Variants in MAP7D3 observed in about 807,000 individuals in gnomAD.
MAP7D3 encodes the protein MAP7 domain-containing protein 3.
MAP7D3 carries 45 observed loss-of-function variants against 62.2 expected under a neutral mutation model. The ratio of observed to expected loss-of-function variants is 0.72; its 90% CI spans 0.57 to 0.93. The LOEUF (loss-of-function observed/expected upper bound fraction) is 0.93. Ranked by LOEUF, MAP7D3 falls within the 40% of genes least tolerant of loss-of-function variation. The pLI is 0.00. For synonymous variants in MAP7D3, 288 were observed against 248.8 expected (o/e 1.16, Z -1.48); for missense variants, 711 against 683.1 (o/e 1.04, Z -0.45).
intron 12 of MAP7D3, among the ~76,000 whole-genome samples, chrX:136,226,868 C>T (rs1259908993): frequency 8.9e-6 from 1 of 111,829 alleles, no homozygotes; most frequent in African/African-American, 3.3e-5. Context: ...GTGGCTTACA[C>T]CTGTAATCCT....
At chrX:136,222,372 A>G in intron 15 of MAP7D3, 21 bp downstream of exon 15, 1 of 1,153,290 alleles carries the variant, frequency 8.7e-7, no homozygotes, top group Non-Finnish European at 1.2e-6. Flanking sequence ...TAAGCAGTCT[A>G]GCTCCTAAAT....
intron 11 of MAP7D3, among the ~76,000 whole-genome samples, chrX:136,228,164 C>T (rs2148404535): frequency 8.9e-6 from 1 of 112,090 alleles, no homozygotes; most frequent in East Asian, 2.8e-4. Flanking sequence ...CTAGCAATGA[C>T]TCACTGGCCT....
intron 4 of MAP7D3, 140 bp downstream of exon 4, chrX:136,244,492 G>T: frequency 1.9e-6 from 1 of 513,577 alleles, no homozygotes; most frequent in South Asian, 3.7e-5. Flanking sequence ...ATGCTGAGGG[G>T]AAGAGGAAGC....
At chrX:136,256,178 G>T, upstream of MAP7D3, 1 of 1,122,686 alleles carries the variant, frequency 8.9e-7, no homozygotes, top group Non-Finnish European at 1.2e-6. Context: ...TGCATCTGTT[G>T]TAGCTTGACT....
chrX:136,239,140 CT>C (rs1013823137), intron 6 of MAP7D3, among the ~76,000 whole-genome samples: 1 of 111,180 alleles, frequency 9.0e-6, no homozygotes, highest in Non-Finnish European at 1.9e-5. Flanking sequence ...GAAAAGGGAT[CT>C]TTTTTTTGGA....
rs770764828 is a variant in MAP7D3, at chrX:136,249,732, C to T, written c.70+1557G>A. 7.3e-4 allele frequency among the ~76,000 whole-genome samples: 82 copies of T among 112,087 alleles called. 1 individual carries two copies. Among genetic ancestry groups the T allele is most frequent in the Non-Finnish European group, 1.2e-3 (63 of 53,269 alleles). On this transcript the variant is annotated intron_variant, in intron 1 of 18. Transcript: ENST00000316077. Reference sequence around the variant, plus strand: ...AAAACATCTGTCTCCTTGACCCCTTCAGGAAAACGCTGAGATCTAAAGGGC... The same window carrying T: ...AAAACATCTGTCTCCTTGACCCCTTTAGGAAAACGCTGAGATCTAAAGGGC...
intron 13 of MAP7D3, 123 bp downstream of exon 13, chrX:136,225,786 G>A (rs1245993860): frequency 1.7e-5 from 8 of 458,451 alleles, no homozygotes; most frequent in South Asian, 4.1e-5. Context: ...GAAGAGAATC[G>A]AGTGGGAAAA....
At position 136,247,936 on chromosome X, in the gene MAP7D3, G is replaced by T. The variant is rs766911607; in HGVS notation, c.71-1595C>A. Among the ~76,000 whole-genome samples the T allele has an allele frequency of 3.6e-5, 4 of 111,993 alleles. No individual in the cohort carries two copies. In the South Asian group the frequency reaches 1.5e-3, roughly 42 times the overall value. On this transcript the variant is annotated intron_variant, in intron 1 of 18. Transcript: ENST00000316077. ...ATTTCCCTCAAAATCTACATTTTTG[G>T]CCCAGAGTGGTGGCTCATGCCTGTA...
At chrX:136,237,849 A>G (rs1269629819) in intron 6 of MAP7D3, among the ~76,000 whole-genome samples, 1 of 109,809 alleles carries the variant, frequency 9.1e-6, no homozygotes, top group African/African-American at 3.3e-5. Context: ...AACATTAGGT[A>G]TATCTCCTAA....
chrX:136,231,594 C>T lies in MAP7D3; in HGVS notation c.1363G>A (p.Glu455Lys), dbSNP rs763690316. 8.3e-7 allele frequency: 1 copy of T among 1,209,336 alleles called. No individual in the cohort carries two copies. Among genetic ancestry groups the T allele is most frequent in the South Asian group, 1.8e-5 (1 of 56,591 alleles). ...MVKASPKTSL[E>K]ASMEASPKAK... is the part of the protein sequence containing the mutation. ...TTGGGAGATGCTTCCATGCTTGCTT[C>T]AAGGGATGTCTTGGGGGATGCTTTC... The change falls in exon 8 of 19, where the codon GAA becomes AAA. Residue 455 changes from glutamate (E) to lysine (K), a missense_variant. Glu to Lys is a moderately conservative substitution (Grantham distance 56). Transcript: ENST00000316077.
chrX:136,233,237 A>G (rs1286923155), intron 7 of MAP7D3, among the ~76,000 whole-genome samples: 1 of 110,262 alleles, frequency 9.1e-6, no homozygotes, highest in Non-Finnish European at 1.9e-5. Flanking sequence ...ATTAGATTAA[A>G]AACATCTTCT....
intron 13 of MAP7D3, 142 bp downstream of exon 13, chrX:136,225,767 T>C (rs772945283): frequency 9.2e-6 from 4 of 436,842 alleles, no homozygotes; most frequent in Non-Finnish European, 1.2e-5. Context: ...AGTCAGATCC[T>C]TGGATAAGGA....
intron 13 of MAP7D3, among the ~76,000 whole-genome samples, chrX:136,225,397 A>C (rs1015709068): frequency 9.9e-5 from 11 of 111,455 alleles, no homozygotes; most frequent in African/African-American, 3.6e-4. Flanking sequence ...GGAGAGTTGC[A>C]GCTCCCTGGC....
intron 4 of MAP7D3, among the ~76,000 whole-genome samples, chrX:136,242,063 T>A (rs1460579802): frequency 9.0e-6 from 1 of 111,244 alleles, no homozygotes; most frequent in African/African-American, 3.3e-5. Context: ...GCAAACACCA[T>A]CCTTACAAAG....
At chrX:136,246,555 G>C (rs924964086) in intron 1 of MAP7D3, among the ~76,000 whole-genome samples, 3 of 111,876 alleles carry the variant, frequency 2.7e-5, no homozygotes, top group African/African-American at 9.8e-5. Flanking sequence ...TACTATGATG[G>C]GCCAGGGTAT....
chrX:136,244,581 A>C, intron 4 of MAP7D3, 51 bp downstream of exon 4: 1 of 1,107,355 alleles, frequency 9.0e-7, no homozygotes, highest in Non-Finnish European at 1.2e-6. Context: ...AATATTCTAG[A>C]CTCAGGCAAC....
intron 9 of MAP7D3, 90 bp from the exon 10 acceptor site, chrX:136,230,683 A>C (rs777876790): frequency 1.1e-6 from 1 of 883,713 alleles, no homozygotes; most frequent in Non-Finnish European, 1.6e-6. Flanking sequence ...CATTATAATC[A>C]GGGAATTTTT....
intron 6 of MAP7D3, 69 bp downstream of exon 6, chrX:136,240,313 A>C: frequency 1.6e-6 from 1 of 633,873 alleles, no homozygotes; most frequent in Non-Finnish European, 2.7e-6. Flanking sequence ...AATAGGTGGT[A>C]CTGTAAAAAT....
chrX:136,251,637 A>T (rs1271720315), upstream of MAP7D3: 1 of 670,044 alleles, frequency 1.5e-6, no homozygotes, highest in African/African-American at 2.4e-5. Flanking sequence ...AGGACTAGCC[A>T]ATCAGCACCC....
Sources: gnomAD v4.1 joint callset for allele counts (sites outside exome capture counted in the v4.1 genomes callset) on GRCh38, gnomAD v4.1.1 for gene constraint, MANE v1.5 for transcripts, NCBI Gene and HGNC (gene_info 2026-07-23, HGNC 2026-07-21) for gene names.